The following TENM3 variants were observed in gnomAD, a reference collection of about 807,000 sequenced individuals.
The protein encoded by TENM3 is teneurin-3.
In TENM3, 63 loss-of-function variants were observed where a neutral mutation model predicts 255.1. The observed-to-expected ratio is 0.25, with a 90% CI of 0.20 to 0.30. The LOEUF (loss-of-function observed/expected upper bound fraction) is 0.30. Ranked by LOEUF, TENM3 falls within the 10% of genes least tolerant of loss-of-function variation. The probability of loss-of-function intolerance (pLI) is 1.00; values close to 1 mark genes in which losing one functional copy is unlikely to be tolerated. For missense variants in TENM3, 2,929 were observed against 3,461.1 expected (o/e 0.85, Z 3.86); for synonymous variants, 1,306 against 1,322.3 (o/e 0.99, Z 0.27).
At chr4:182,473,394 C>G (rs1285692876) in intron 3 of TENM3, among the ~76,000 whole-genome samples, 1 of 152,184 alleles carries the variant, frequency 6.6e-6, no homozygotes, top group Non-Finnish European at 1.5e-5. Context: ...TAAAAACTGG[C>G]CGGGTGCCGT....
the TENM3 span, among the ~76,000 whole-genome samples, chr4:181,515,925 C>T: frequency 6.6e-6 from 1 of 152,222 alleles, no homozygotes; most frequent in South Asian, 2.1e-4. Flanking sequence ...CTTCACAATA[C>T]CAAAGGCATG....
the TENM3 span, among the ~76,000 whole-genome samples, chr4:181,949,817 T>C: frequency 6.6e-6 from 1 of 152,070 alleles, no homozygotes; most frequent in Non-Finnish European, 1.5e-5. Flanking sequence ...TCAAGCCCCC[T>C]GCCTCCCTGG....
chr4:181,815,296 CAAA>C, the TENM3 span, among the ~76,000 whole-genome samples: 1 of 123,166 alleles, frequency 8.1e-6, no homozygotes, highest in East Asian at 2.4e-4. Flanking sequence ...TACAAAAATA[CAAA>C]AAAAAAAAAA....
the TENM3 span, among the ~76,000 whole-genome samples, chr4:181,579,554 A>G: frequency 6.6e-6 from 1 of 152,354 alleles, no homozygotes; most frequent in South Asian, 2.1e-4. Flanking sequence ...TAAAGAAACT[A>G]TGATGAGTTA....
Position 182,792,209 on chromosome 4 carries a change from C to A in TENM3, c.5602-65C>A. 1 of 1,418,308 alleles carries A rather than the reference C, an allele frequency of 7.1e-7. No individual in the cohort carries two copies. Among genetic ancestry groups the A allele is most frequent in the Non-Finnish European group, 9.7e-7 (1 of 1,025,994 alleles). 87.9% of individuals were successfully genotyped at this position (1,418,308 alleles called of 1,614,324 possible). A position where few individuals can be genotyped will look rare whatever the true frequency, so the allele number is the denominator to read the frequency against. On this transcript the variant is annotated intron_variant, in intron 25 of 27. Coordinates refer to ENST00000511685, the MANE Select transcript of TENM3 (RefSeq NM_001080477.4). This position sits in a 1 kb window ranked among gnomAD's most constrained non-coding sequence, Gnocchi z 6.3. The stretch of plus-strand genomic sequence containing the variant: ...TGGAATGTTTCTGTGCATCTGTGGT[C>A]ACTAAATCTGCTTTTGCATCTCCCG...
chr4:181,635,659 G>C, the TENM3 span, among the ~76,000 whole-genome samples: 1 of 152,174 alleles, frequency 6.6e-6, no homozygotes, highest in African/African-American at 2.4e-5. Context: ...GGAGTGGAGA[G>C]GAACAGATAG....
At chr4:182,734,455 C>T (rs180884630) in intron 16 of TENM3, among the ~76,000 whole-genome samples, 151 of 152,198 alleles carry the variant, frequency 9.9e-4, no homozygotes, top group African/African-American at 3.3e-3. Flanking sequence ...TTGAAAGAAG[C>T]GCAGAAGATA....
At chr4:181,517,170 A>G in the TENM3 span, among the ~76,000 whole-genome samples, 5 of 151,908 alleles carry the variant, frequency 3.3e-5, no homozygotes, top group Non-Finnish European at 7.4e-5. Flanking sequence ...AAAATCCCTC[A>G]GGTTCTGTAA....
At chr4:182,210,081 CT>C (rs1247861696) in intron 1 of TENM3, among the ~76,000 whole-genome samples, 4 of 152,202 alleles carry the variant, frequency 2.6e-5, no homozygotes, top group Non-Finnish European at 4.4e-5. Context: ...CTCTTTCCCT[CT>C]CCCTCCTGCC....
chr4:182,531,204 C>T (rs752906641), intron 3 of TENM3, among the ~76,000 whole-genome samples: 1 of 151,908 alleles, frequency 6.6e-6, no homozygotes, highest in Non-Finnish European at 1.5e-5. Flanking sequence ...TAAATACTTC[C>T]GAGACATTCA....
At chr4:181,789,686 C>A in the TENM3 span, among the ~76,000 whole-genome samples, 1 of 152,100 alleles carries the variant, frequency 6.6e-6, no homozygotes, top group Admixed American at 6.6e-5. Context: ...CCCCGCCTAC[C>A]AACCTCCAGG....
intron 18 of TENM3, among the ~76,000 whole-genome samples, chr4:182,742,239 A>T (rs996625246): frequency 3.3e-5 from 5 of 152,208 alleles, no homozygotes; most frequent in Admixed American, 1.3e-4. Flanking sequence ...CTCAAATCTA[A>T]TTTCTAACCA....
chr4:182,161,660 CACAAAT>C (rs1275294172), intron 1 of TENM3, among the ~76,000 whole-genome samples: 1 of 82,282 alleles, frequency 1.2e-5, no homozygotes, highest in African/African-American at 5.1e-5. Flanking sequence ...TATACACACA[CACAAAT>C]ATATATATGT....
chr4:182,203,986 G>T (rs1754376707), intron 1 of TENM3, among the ~76,000 whole-genome samples: 1 of 152,240 alleles, frequency 6.6e-6, no homozygotes, highest in African/African-American at 2.4e-5. Flanking sequence ...GAAGGGAGGT[G>T]TTTCAGAAGC....
chr4:182,168,138 T>C (rs969929037), intron 1 of TENM3, among the ~76,000 whole-genome samples: 1 of 151,798 alleles, frequency 6.6e-6, no homozygotes, highest in Non-Finnish European at 1.5e-5. Context: ...TATTTTCTTT[T>C]CTTTTTTTTT....
chr4:181,895,772 T>C, the TENM3 span, among the ~76,000 whole-genome samples: 34 of 152,020 alleles, frequency 2.2e-4, no homozygotes, highest in South Asian at 2.1e-4. Flanking sequence ...CTCAAACTCC[T>C]GGCCTCAGGT....
At chr4:182,358,019 G>C (rs1339851572) in intron 3 of TENM3, among the ~76,000 whole-genome samples, 2 of 149,650 alleles carry the variant, frequency 1.3e-5, no homozygotes, top group Non-Finnish European at 3.0e-5. Flanking sequence ...TCAAAGATCA[G>C]ATAGTTGTAG....
chr4:181,552,820 C>T, the TENM3 span, among the ~76,000 whole-genome samples: 4 of 152,150 alleles, frequency 2.6e-5, no homozygotes, highest in African/African-American at 7.2e-5. Context: ...GAAGTCTTTC[C>T]GTATTCCAAT....
At chr4:182,738,324 G>GT (rs1462059741) in intron 17 of TENM3, 77 bp from the exon 18 acceptor site, 1 of 1,412,162 alleles carries the variant, frequency 7.1e-7, no homozygotes, top group Non-Finnish European at 9.5e-7. Flanking sequence ...GAAAAAGGCA[G>GT]TTTTTTCCAA....
Sources: gnomAD v4.1 joint callset for allele counts (sites outside exome capture counted in the v4.1 genomes callset) on GRCh38, gnomAD v4.1.1 for gene constraint, Gnocchi (gnomAD v3.1) non-coding constraint, MANE v1.5 for transcripts, NCBI Gene and HGNC (gene_info 2026-07-23, HGNC 2026-07-21) for gene names.